Variants in PKD1L3 observed in about 807,000 individuals in gnomAD.
PKD1L3 encodes the protein polycystin-1-like protein 3.
Under a neutral mutation model 184.1 loss-of-function variants are expected in PKD1L3, and 239 were observed. The observed-to-expected ratio is 1.30, with a 90% CI of 1.17 to 1.45. The LOEUF is 1.45. PKD1L3 is among the 40% of genes most tolerant of loss of function. The pLI is 0.00. For missense variants in PKD1L3, 2,660 were observed against 2,067.2 expected (o/e 1.29, Z -5.56); for synonymous variants, 996 against 778.8 (o/e 1.28, Z -4.64).
At chr16:71,987,290 G>A (rs2040410160) in intron 4 of PKD1L3, among the ~76,000 whole-genome samples, 1 of 151,442 alleles carries the variant, frequency 6.6e-6, no homozygotes, top group Non-Finnish European at 1.5e-5. Context: ...GCACAATCAT[G>A]GCTCCTTGCA....
At chr16:71,975,137 C>G (rs1044536846) in intron 11 of PKD1L3, among the ~76,000 whole-genome samples, 1 of 152,016 alleles carries the variant, frequency 6.6e-6, no homozygotes, top group African/African-American at 2.4e-5. Context: ...CTCATTGTGG[C>G]TTTGAACTCC....
chr16:71,969,223 A>G (rs1263658710), intron 13 of PKD1L3, among the ~76,000 whole-genome samples: 1 of 152,146 alleles, frequency 6.6e-6, no homozygotes, highest in African/African-American at 2.4e-5. Context: ...GAGCCACTGC[A>G]CCCAGCCAAG....
intron 5 of PKD1L3, among the ~76,000 whole-genome samples, chr16:71,985,249 C>G (rs913346787): frequency 2.0e-5 from 3 of 152,040 alleles, no homozygotes; most frequent in Non-Finnish European, 2.9e-5. Context: ...GTCAGTTTCT[C>G]CCCCAAATAG....
chr16:71,953,394 A>G (rs917005967), intron 17 of PKD1L3, among the ~76,000 whole-genome samples: 2 of 29,072 alleles, frequency 6.9e-5, no homozygotes, highest in South Asian at 2.3e-3. Flanking sequence ...GGTAATTTAT[A>G]AAGAAAAGTT....
intron 8 of PKD1L3, 47 bp from the exon 9 acceptor site, chr16:71,979,959 A>C (rs1328671469): frequency 6.5e-7 from 1 of 1,549,740 alleles, no homozygotes. Context: ...GTGTCCTCTG[A>C]AAGTGAAAAA....
chr16:71,973,542 T>C (rs1190936065), intron 11 of PKD1L3, 25 bp from the exon 12 acceptor site: 28 of 1,534,134 alleles, frequency 1.8e-5, no homozygotes, highest in Non-Finnish European at 2.3e-5. Flanking sequence ...GAGTGCTTAC[T>C]TGTATATCAA....
chr16:71,961,057 AC>A (rs2039258892), intron 16 of PKD1L3, among the ~76,000 whole-genome samples: 2 of 152,122 alleles, frequency 1.3e-5, no homozygotes, highest in Admixed American at 6.6e-5. Flanking sequence ...TTTTTTAGAG[AC>A]AGGATCTCAT....
At chr16:71,940,541 C>T (rs1366176028) in intron 24 of PKD1L3, among the ~76,000 whole-genome samples, 3 of 152,050 alleles carry the variant, frequency 2.0e-5, no homozygotes, top group East Asian at 1.9e-4. Flanking sequence ...ACTCTGTCCC[C>T]CAGGCTGGAG....
chr16:71,958,407 G>GAC (rs1412150898), intron 16 of PKD1L3, among the ~76,000 whole-genome samples: 2 of 149,704 alleles, frequency 1.3e-5, no homozygotes, highest in Admixed American at 6.7e-5. Context: ...AAAAAAGATG[G>GAC]ACACACACAC....
chr16:71,938,921 C>G, intron 24 of PKD1L3, among the ~76,000 whole-genome samples: 1 of 152,212 alleles, frequency 6.6e-6, no homozygotes, highest in East Asian at 1.9e-4. Flanking sequence ...ACTGAAAGAG[C>G]TGTAACACAA....
rs1336063797 is a variant in PKD1L3 at position 71,950,323 on chromosome 16, T to G, written c.3191-13A>C. ...TTTTCAGGAACAACTGAAAATATAT[T>G]TCAAGTTGACACTTTCACAAGTGGA... is the stretch of plus-strand genomic sequence containing the variant. On this transcript the variant is annotated splice_polypyrimidine_tract_variant and intron_variant, in intron 19 of 29. Coordinates refer to ENST00000620267, the MANE Select transcript of PKD1L3 (RefSeq NM_181536.2). The G allele has an allele frequency of 1.3e-6, 2 of 1,506,838 alleles. No individual in the cohort carries two copies. Among genetic ancestry groups the G allele is most frequent in the South Asian group, 2.5e-5 (2 of 80,160 alleles). 93.3% of individuals were successfully genotyped at this position (1,506,838 alleles called of 1,614,324 possible). A position where few individuals can be genotyped will look rare whatever the true frequency, so the allele number is the denominator to read the frequency against.
At chr16:71,932,516 C>T (rs2038012770) in intron 28 of PKD1L3, among the ~76,000 whole-genome samples, 1 of 152,098 alleles carries the variant, frequency 6.6e-6, no homozygotes, top group South Asian at 2.1e-4. Context: ...CTGTCTTGCC[C>T]AGGCTGGAGT....
rs1425848223 is a variant in PKD1L3, at chr16:71,980,136, T to G, written c.1144-2A>C. ...GGACATTTCCAGGATGTCTTCTACC[T>G]GCATGGAAAGGAAAACAGTGTGTGA... On this transcript the variant is annotated splice_acceptor_variant, in intron 7 of 29. Transcript: ENST00000620267. LOFTEE classifies it high-confidence loss of function. The G allele has an allele frequency of 2.0e-5, 31 of 1,551,384 alleles. No homozygotes were observed. Among genetic ancestry groups the G allele is most frequent in the Non-Finnish European group, 2.6e-5 (30 of 1,146,734 alleles).
At chr16:71,952,298 C>T (rs1337424143) in intron 18 of PKD1L3, among the ~76,000 whole-genome samples, 8 of 149,610 alleles carry the variant, frequency 5.3e-5, no homozygotes, top group Admixed American at 6.7e-5. Flanking sequence ...CTGCAACCTC[C>T]GCCTCCTGGG....
At chr16:71,963,660 T>C (rs527775468) in intron 15 of PKD1L3, among the ~76,000 whole-genome samples, 1 of 152,224 alleles carries the variant, frequency 6.6e-6, no homozygotes, top group African/African-American at 2.4e-5. Context: ...TGTGCACCTG[T>C]AGTCCTGAGC....
chr16:71,969,727 G>A lies in PKD1L3; in HGVS notation c.2184+148C>T, dbSNP rs989567058. On this transcript the variant is annotated intron_variant, in intron 13 of 29. Coordinates refer to ENST00000620267, the MANE Select transcript of PKD1L3 (RefSeq NM_181536.2). Reference sequence around the variant, plus strand: ...TCTCAGGTCTTGAGTCAGCAGACACGAAGATAAATTTAAGAAAAGTTTCAC... The same window carrying A: ...TCTCAGGTCTTGAGTCAGCAGACACAAAGATAAATTTAAGAAAAGTTTCAC... 1.9e-4 allele frequency: 141 copies of A among 731,336 alleles called. No homozygotes were observed. In the East Asian group the frequency reaches 3.0e-3, roughly 16 times the overall value. 45.3% of individuals were successfully genotyped at this position (731,336 alleles called of 1,614,324 possible). A position where few individuals can be genotyped will look rare whatever the true frequency, so the allele number is the denominator to read the frequency against.
At chr16:71,967,845 C>T in intron 14 of PKD1L3, 61 bp downstream of exon 14, 1 of 1,380,318 alleles carries the variant, frequency 7.2e-7, no homozygotes, top group Non-Finnish European at 1.0e-6. Flanking sequence ...ATCACCAACT[C>T]AGAGTGTGTC....
In PKD1L3 at chr16:71,979,997, T is replaced by A; in HGVS notation, c.1271+10A>T. The A allele has an allele frequency of 6.4e-7, 1 of 1,551,350 alleles. No individual in the cohort carries two copies. Among genetic ancestry groups the A allele is most frequent in the Non-Finnish European group, 8.7e-7 (1 of 1,146,956 alleles). The stretch of plus-strand genomic sequence containing the variant: ...CAGTGAAACTCTCCCCGTTCCTTCT[T>A]CCCATTAACCTGCTCAGCAGCAGAG... On this transcript the variant is annotated intron_variant, in intron 8 of 29. Coordinates refer to ENST00000620267, the MANE Select transcript of PKD1L3 (RefSeq NM_181536.2).
At chr16:71,971,919 A>G (rs1178112793) in intron 12 of PKD1L3, among the ~76,000 whole-genome samples, 1 of 152,062 alleles carries the variant, frequency 6.6e-6, no homozygotes, top group Admixed American at 6.6e-5. Context: ...CATCTCTACT[A>G]AAAATACAGT....
Sources: allele counts gnomAD v4.1 joint callset (sites outside exome capture counted in the v4.1 genomes callset), GRCh38; gene constraint gnomAD v4.1.1; transcripts MANE v1.5; gene names NCBI Gene and HGNC (gene_info 2026-07-23, HGNC 2026-07-21).